HLA-DQB2: variants seen among roughly 807,000 people sequenced by gnomAD.
HLA-DQB2 encodes HLA class II histocompatibility antigen, DQ beta 2 chain.
A neutral mutation model predicts 29.2 loss-of-function variants in HLA-DQB2; 24 were observed. That is an observed-to-expected ratio of 0.82 (90% confidence interval 0.60 to 1.16). The LOEUF is 1.16. Among genes scored for constraint, HLA-DQB2 ranks in the 50% most tolerant of loss-of-function variants. The pLI is 0.00. For synonymous variants in HLA-DQB2, 104 were observed against 133.1 expected (o/e 0.78, Z 1.51); for missense variants, 273 against 343.6 (o/e 0.79, Z 1.62).
At chr6:32,759,582 T>C (rs558619439) in intron 2 of HLA-DQB2, among the ~76,000 whole-genome samples, 1 of 148,396 alleles carries the variant, frequency 6.7e-6, no homozygotes, top group African/African-American at 2.5e-5. Context: ...TTCCTTTATT[T>C]CTTTAGTGTA....
At chr6:32,759,201 G>C in intron 2 of HLA-DQB2, 70 bp from the exon 3 acceptor site, 1 of 1,539,722 alleles carries the variant, frequency 6.5e-7, no homozygotes, top group Non-Finnish European at 8.8e-7. Context: ...CCTGCTGTGA[G>C]GAAGGTCCCT....
chr6:32,760,591 A>G lies in HLA-DQB2; in HGVS notation c.364+1069T>C, dbSNP rs145126268. Among the ~76,000 whole-genome samples, 135 of 152,366 alleles carry G rather than the reference A, an allele frequency of 8.9e-4. No homozygotes were observed. In the East Asian group the frequency reaches 0.024, roughly 28 times the overall value. On this transcript the variant is annotated intron_variant, in intron 2 of 5. Transcript: ENST00000437316. ...TAAGTGGGTAAAATTGACGTTCAGAATGTTTATGCCTGAAGTGGATAGTGA... is the reference window on the plus strand; with the variant it reads ...TAAGTGGGTAAAATTGACGTTCAGAGTGTTTATGCCTGAAGTGGATAGTGA...
In HLA-DQB2 at chr6:32,761,147, T is replaced by A. The variant is rs1437930130; in HGVS notation, c.364+513A>T. On this transcript the variant is annotated intron_variant, in intron 2 of 5. Transcript: ENST00000437316. ...AAGCCAAAAGTTAAAATATCTTATT[T>A]CACAACTGTAATTGCTGGATGCCCT... 3.3e-5 allele frequency among the ~76,000 whole-genome samples: 5 copies of A among 152,390 alleles called. No homozygotes were observed. In the East Asian group the frequency reaches 9.6e-4, roughly 29 times the overall value.
intron 1 of HLA-DQB2, among the ~76,000 whole-genome samples, chr6:32,763,163 C>A (rs2071550): frequency 0.3 from 45,576 of 152,096 alleles, 7,501 homozygotes; most frequent in East Asian, 0.41. Flanking sequence ...CTCCTTCAGG[C>A]TTAAACCTGT....
At chr6:32,758,752 G>T in intron 3 of HLA-DQB2, 98 bp downstream of exon 3, 1 of 1,398,950 alleles carries the variant, frequency 7.1e-7, no homozygotes, top group Non-Finnish European at 9.8e-7. Flanking sequence ...CAGCTCAGTA[G>T]TGATGTCAGG....
chr6:32,762,030 G>T, intron 1 of HLA-DQB2, 104 bp from the exon 2 acceptor site: 5 of 1,455,636 alleles, frequency 3.4e-6, no homozygotes, highest in Non-Finnish European at 4.6e-6. Context: ...GCCAGCAGCT[G>T]CGAAACCCGT....
chr6:32,757,916 C>A, intron 3 of HLA-DQB2, 33 bp from the exon 4 acceptor site: 1 of 1,570,612 alleles, frequency 6.4e-7, no homozygotes, highest in Non-Finnish European at 8.6e-7. Context: ...AGTGTTTGTC[C>A]CCACACCCCA....
In HLA-DQB2 at chr6:32,761,665, C is replaced by T. The variant is rs762755845; in HGVS notation, c.359G>A (p.Arg120Gln). 1.4e-5 allele frequency: 21 copies of T among 1,547,474 alleles called. No homozygotes were observed. The highest frequency in any genetic ancestry group is 1.7e-5 in the Non-Finnish European group (19 of 1,146,552). The change falls in exon 2 of 6, where the codon CGG becomes CAG. Residue 120 changes from arginine (R) to glutamine (Q), a missense_variant. Coordinates refer to ENST00000437316, the MANE Select transcript of HLA-DQB2 (RefSeq NM_001300790.2). The stretch of plus-strand genomic sequence containing the variant: ...GGAAGGACGACGACGCTCACCTTGC[C>T]GCTGCAAGGTCGTGCGCAGCTCCGC... ...YEAELRTTLQ[R>Q]QVEPTVTISP... is the part of the protein sequence containing the mutation.
rs9296038 is a variant in HLA-DQB2 at position 32,759,532 on chromosome 6, A to G, written c.365-401T>C. ...TGACACACCTTTCCCTGCATATTTT[A>G]TACATCTTAACCTTTACCTCTCTGG... On this transcript the variant is annotated intron_variant, in intron 2 of 5. Coordinates refer to ENST00000437316, the MANE Select transcript of HLA-DQB2 (RefSeq NM_001300790.2). Among the ~76,000 whole-genome samples the G allele has an allele frequency of 4.3e-3, 642 of 149,604 alleles. 17 individuals are homozygous for G. The East Asian group carries it at 0.066, about 15-fold the overall frequency.
intron 2 of HLA-DQB2, among the ~76,000 whole-genome samples, chr6:32,760,061 A>T (rs528777520): frequency 9.1e-6 from 1 of 110,298 alleles, no homozygotes; most frequent in East Asian, 2.8e-4. Context: ...GAGGGCACAA[A>T]TTCATGAGAA....
At chr6:32,757,101 C>T in intron 5 of HLA-DQB2, 180 bp downstream of exon 5, 1 of 1,431,440 alleles carries the variant, frequency 7.0e-7, no homozygotes, top group Non-Finnish European at 9.3e-7. Context: ...CTCACTGCAA[C>T]CTCTGCCTCC....
intron 5 of HLA-DQB2, chr6:32,757,023 TTC>T: frequency 7.9e-7 from 1 of 1,271,980 alleles, no homozygotes; most frequent in Non-Finnish European, 9.8e-7. Context: ...GCTCATGCTC[TTC>T]TTTTTTTTTT....
In HLA-DQB2 at chr6:32,757,072, T is replaced by C. The variant is rs142354442; in HGVS notation, c.781+209A>G. 1.3e-3 allele frequency: 1,917 copies of C among 1,420,538 alleles called. 51 individuals are homozygous for C. The East Asian group carries it at 0.048, about 35-fold the overall frequency. The allele number at this position is 1,420,538 out of a possible 1,614,324, so 88.0% of individuals were successfully genotyped here. A position where few individuals can be genotyped will look rare whatever the true frequency, so the allele number is the denominator to read the frequency against. On this transcript the variant is annotated intron_variant, in intron 5 of 5. Coordinates refer to ENST00000437316, the MANE Select transcript of HLA-DQB2 (RefSeq NM_001300790.2). ...TCTAGCTCTATCGCCCAGACTGGAG[T>C]GCAGTGGCGCCATCTTGGCTCACTG...
chr6:32,761,685 C>A lies in HLA-DQB2; in HGVS notation c.339G>T (p.Glu113Asp), dbSNP rs1440750171. ...CTTGCCGCTGCAAGGTCGTGCGCAGCTCCGCCTCGTAGTTGTGTCTGCACA... is the reference window on the plus strand; with the variant it reads ...CTTGCCGCTGCAAGGTCGTGCGCAGATCCGCCTCGTAGTTGTGTCTGCACA... ...DKVCRHNYEA[E>D]LRTTLQRQVE... The change falls in exon 2 of 6, where the codon GAG becomes GAT. Residue 113 changes from glutamate (E) to aspartate (D), a missense_variant. Physicochemically the swap from Glu to Asp is conservative, Grantham distance 45. Transcript: ENST00000437316. 5 of 1,551,092 alleles carry A rather than the reference C, an allele frequency of 3.2e-6. No homozygotes were observed. Among genetic ancestry groups the A allele is most frequent in the Non-Finnish European group, 4.4e-6 (5 of 1,147,506 alleles).
At chr6:32,761,629 G>A (rs1473652903) in intron 2 of HLA-DQB2, 31 bp downstream of exon 2, 3 of 1,529,202 alleles carry the variant, frequency 2.0e-6, no homozygotes, top group Non-Finnish European at 1.8e-6. Context: ...CCGGCCAAGG[G>A]TGAGCCCCGC....
chr6:32,761,365 A>G (rs374311584), intron 2 of HLA-DQB2, among the ~76,000 whole-genome samples: 2,377 of 110,746 alleles, frequency 0.021, no homozygotes, highest in South Asian at 0.029. Context: ...CATAAGGCAC[A>G]AGGCAAGAAC....
chr6:32,760,414 C>T (rs1023448), intron 2 of HLA-DQB2, among the ~76,000 whole-genome samples: 96,047 of 152,002 alleles, frequency 0.63, 30,875 homozygotes, highest in East Asian at 0.82. Flanking sequence ...TGGTGCATAA[C>T]TGTGGGTTGA....
chr6:32,761,698 T>G lies in HLA-DQB2; in HGVS notation c.326A>C (p.Asn109Thr). 6.4e-7 allele frequency: 1 copy of G among 1,552,504 alleles called. No individual in the cohort carries two copies. Among genetic ancestry groups the G allele is most frequent in the Non-Finnish European group, 8.7e-7 (1 of 1,147,962 alleles). Residue 109 changes from asparagine to threonine, a missense_variant, in exon 2 of 6, where the codon AAC (asparagine) becomes ACC (threonine). Physicochemically the swap from Asn to Thr is moderately conservative, Grantham distance 65 (BLOSUM62 0). Transcript: ENST00000437316. ...GGTCGTGCGCAGCTCCGCCTCGTAG[T>G]TGTGTCTGCACACCTTGTCCACCGC... ...RAAVDKVCRH[N>T]YEAELRTTLQ...
chr6:32,756,802 T>G, intron 5 of HLA-DQB2: 1 of 1,211,936 alleles, frequency 8.3e-7, no homozygotes, highest in Non-Finnish European at 1.0e-6. Flanking sequence ...GCTAACAAAA[T>G]GTGGCACAAA....
Sources: gnomAD v4.1 joint callset for allele counts (sites outside exome capture counted in the v4.1 genomes callset) on GRCh38, gnomAD v4.1.1 for gene constraint, MANE v1.5 for transcripts, NCBI Gene and HGNC (gene_info 2026-07-23, HGNC 2026-07-21) for gene names.